Variants in TMEM51 observed in about 807,000 individuals in gnomAD.
TMEM51 encodes the protein chromosome 1 open reading frame 72.
Under a neutral mutation model 13.6 loss-of-function variants are expected in TMEM51, and 8 were observed. The observed-to-expected ratio is 0.59, with a 90% confidence interval of 0.35 to 1.07. The LOEUF is 1.07. Among genes scored for constraint, TMEM51 ranks in the 50% least tolerant of loss-of-function variants. The probability of loss-of-function intolerance (pLI) is 0.02; values close to 1 mark genes in which losing one functional copy is unlikely to be tolerated. For missense variants in TMEM51, 279 were observed against 330.7 expected (o/e 0.84, Z 1.21); for synonymous variants, 147 against 144.4 (o/e 1.02, Z -0.13).
chr1:15,199,278 G>A (rs965920909), intron 1 of TMEM51, among the ~76,000 whole-genome samples: 9 of 151,942 alleles, frequency 5.9e-5, no homozygotes, highest in South Asian at 2.1e-4. Flanking sequence ...GATTACAGGC[G>A]CACGCCACCA....
At chr1:15,171,128 C>T in intron 1 of TMEM51, 1 of 1,288,860 alleles carries the variant, frequency 7.8e-7, no homozygotes, top group Non-Finnish European at 1.0e-6. Flanking sequence ...TCCCCCACCC[C>T]CAGTTGCTGA....
At chr1:15,196,810 C>T (rs1221525099) in intron 1 of TMEM51, among the ~76,000 whole-genome samples, 3 of 152,244 alleles carry the variant, frequency 2.0e-5, no homozygotes, top group African/African-American at 7.2e-5. Flanking sequence ...AATTTCAAGT[C>T]ACCTATTAAT....
At chr1:15,206,088 A>T (rs1644242748) in intron 1 of TMEM51, among the ~76,000 whole-genome samples, 1 of 152,090 alleles carries the variant, frequency 6.6e-6, no homozygotes, top group Non-Finnish European at 1.5e-5. Flanking sequence ...GACGCAAAAA[A>T]TAGCTGGACA....
chr1:15,165,657 G>A (rs1017042382), intron 1 of TMEM51, among the ~76,000 whole-genome samples: 2 of 152,000 alleles, frequency 1.3e-5, no homozygotes, highest in Non-Finnish European at 2.9e-5. Context: ...GGTTGTATAC[G>A]GAGTTAATTT....
At chr1:15,193,297 G>A (rs951807578) in intron 1 of TMEM51, among the ~76,000 whole-genome samples, 8 of 152,226 alleles carry the variant, frequency 5.3e-5, no homozygotes, top group Non-Finnish European at 1.2e-4. Flanking sequence ...TCTTTGTGGG[G>A]AAACTGGCTG....
intron 1 of TMEM51, among the ~76,000 whole-genome samples, chr1:15,190,021 G>C (rs927484600): frequency 6.6e-6 from 1 of 152,196 alleles, no homozygotes; most frequent in Non-Finnish European, 1.5e-5. Context: ...CCCTCTCTCT[G>C]TCATTAGCAA....
At chr1:15,180,411 G>A (rs1015094938) in intron 1 of TMEM51, among the ~76,000 whole-genome samples, 3 of 152,216 alleles carry the variant, frequency 2.0e-5, no homozygotes, top group African/African-American at 4.8e-5. Flanking sequence ...CACTTGCAGG[G>A]CTGCAGACAC....
At chr1:15,183,409 T>C (rs548748216) in intron 1 of TMEM51, among the ~76,000 whole-genome samples, 3 of 152,290 alleles carry the variant, frequency 2.0e-5, no homozygotes, top group African/African-American at 7.2e-5. Flanking sequence ...GTACCCCGAT[T>C]CTGCCGATTA....
intron 1 of TMEM51, among the ~76,000 whole-genome samples, chr1:15,169,241 C>T (rs1463655420): frequency 1.3e-5 from 2 of 152,172 alleles, no homozygotes; most frequent in Admixed American, 6.5e-5. Flanking sequence ...AACAATAGTA[C>T]TGGCATCTAA....
chr1:15,178,983 A>G (rs1280210363), intron 1 of TMEM51, among the ~76,000 whole-genome samples: 1 of 152,220 alleles, frequency 6.6e-6, no homozygotes, highest in Non-Finnish European at 1.5e-5. Flanking sequence ...AATCGGTTCA[A>G]CTTTCAAAGC....
At chr1:15,186,451 T>G (rs1333218177) in intron 1 of TMEM51, among the ~76,000 whole-genome samples, 1 of 152,160 alleles carries the variant, frequency 6.6e-6, no homozygotes, top group African/African-American at 2.4e-5. Context: ...GTTTGTGACT[T>G]GCCCCTGAAT....
At chr1:15,211,574 G>A (rs182694939) in intron 2 of TMEM51, among the ~76,000 whole-genome samples, 2 of 152,250 alleles carry the variant, frequency 1.3e-5, no homozygotes, top group African/African-American at 4.8e-5. Context: ...CCCTTTTACA[G>A]CTGTGGAGAC....
intron 1 of TMEM51, among the ~76,000 whole-genome samples, chr1:15,193,575 C>CTTTCTTTTTTTTTTTT (rs1249772503): frequency 4.4e-5 from 5 of 114,656 alleles, no homozygotes; most frequent in African/African-American, 1.8e-4. Flanking sequence ...TTCTTTCTTT[C>CTTTCTTTTTTTTTTTT]TTTTTTTTTT....
chr1:15,173,551 T>A (rs1643364894), intron 1 of TMEM51, among the ~76,000 whole-genome samples: 1 of 152,112 alleles, frequency 6.6e-6, no homozygotes, highest in South Asian at 2.1e-4. Context: ...ACAGATTGTT[T>A]TCCTGCCATC....
chr1:15,198,535 A>G (rs1266783695), intron 1 of TMEM51, among the ~76,000 whole-genome samples: 2 of 152,036 alleles, frequency 1.3e-5, no homozygotes, highest in Non-Finnish European at 2.9e-5. Flanking sequence ...TCGGTGCCTC[A>G]GCCTCCCGAG....
chr1:15,212,445 G>A (rs1400542714), intron 2 of TMEM51, among the ~76,000 whole-genome samples: 1 of 151,994 alleles, frequency 6.6e-6, no homozygotes, highest in Non-Finnish European at 1.5e-5. Context: ...GGGGGTTAAA[G>A]CGGCTCAAAT....
chr1:15,192,166 AG>A, intron 1 of TMEM51: 1 of 408,552 alleles, frequency 2.4e-6, no homozygotes, highest in Non-Finnish European at 4.9e-6. Context: ...TGCCCTCTTT[AG>A]TCTGCCGGCT....
At chr1:15,153,707 C>G (rs1642476919), upstream of TMEM51, 1 of 152,088 alleles carries the variant, frequency 6.6e-6, no homozygotes, top group Admixed American at 6.5e-5. Flanking sequence ...CACCGCCCTC[C>G]GCCTCCCGCG....
Position 15,187,834 on chromosome 1 carries a change from A to C in TMEM51, c.-266-22656A>C, listed in dbSNP as rs200331760. ...TGACCTTAGCAGCCATCCTCAAAAC[A>C]CCCCGGCCAAGGAAAGAGCTCTGAT... On this transcript the variant is annotated intron_variant, in intron 1 of 3. Coordinates refer to ENST00000376008, the MANE Select transcript of TMEM51 (RefSeq NM_001136218.2). Among the ~76,000 whole-genome samples the C allele has an allele frequency of 8.3e-4, 125 of 151,468 alleles. 1 individual carries two copies. In the East Asian group the frequency reaches 0.022, roughly 27 times the overall value.
Sources: allele counts gnomAD v4.1 joint callset (sites outside exome capture counted in the v4.1 genomes callset), GRCh38; gene constraint gnomAD v4.1.1; transcripts MANE v1.5; gene names NCBI Gene and HGNC (gene_info 2026-07-23, HGNC 2026-07-21).